Variants in PCDH11X observed in about 807,000 individuals in gnomAD.
PCDH11X encodes protocadherin-11 X-linked.
In PCDH11X, 18 loss-of-function variants were observed where a neutral mutation model predicts 53.3. The observed-to-expected ratio is 0.34, with a 90% confidence interval of 0.23 to 0.50. The LOEUF is 0.50. Among genes scored for constraint, PCDH11X ranks in the 20% least tolerant of loss-of-function variants. The pLI, the probability that PCDH11X is intolerant of heterozygous loss-of-function variation, is 0.98. For missense variants in PCDH11X, 570 were observed against 1,032.4 expected (o/e 0.55, Z 6.14); for synonymous variants, 279 against 393.3 (o/e 0.71, Z 3.44).
rs758535470 is a variant in PCDH11X at position 91,817,345 on chromosome X, G to A, written c.-45+6050G>A. ...TCTTAAAAATATTCACTGCCTAATA[G>A]TTTCAAAATTTAGAATCATAAAATA... On this transcript the variant is annotated intron_variant, in intron 4 of 10. Transcript: ENST00000682573. Among the ~76,000 whole-genome samples, 251 of 101,135 alleles carry A rather than the reference G, an allele frequency of 2.5e-3. 1 individual carries two copies. Among genetic ancestry groups the A allele is most frequent in the African/African-American group, 8.3e-3 (229 of 27,740 alleles). The allele number at this position is 101,135 out of a possible 115,157, so 87.8% of individuals were successfully genotyped here. A position where few individuals can be genotyped will look rare whatever the true frequency, so the allele number is the denominator to read the frequency against.
chrX:91,839,209 A>G (rs1440799019), intron 5 of PCDH11X, among the ~76,000 whole-genome samples: 1 of 110,444 alleles, frequency 9.1e-6, no homozygotes, highest in African/African-American at 3.3e-5. Context: ...TGATAGAGGT[A>G]GGAACCAGAG....
chrX:92,302,118 G>C (rs2148471092), intron 8 of PCDH11X, among the ~76,000 whole-genome samples: 1 of 111,652 alleles, frequency 9.0e-6, no homozygotes, highest in African/African-American at 3.3e-5. Context: ...GGGTAGAAAA[G>C]AAAGCCCTCA....
intron 7 of PCDH11X, among the ~76,000 whole-genome samples, chrX:92,218,308 A>C (rs1277274654): frequency 4.5e-5 from 2 of 44,176 alleles, no homozygotes; most frequent in African/African-American, 1.5e-4. Flanking sequence ...AGCAAGACTA[A>C]TAAAGAAGAA....
At chrX:92,001,529 C>T (rs1454202663) in intron 6 of PCDH11X, among the ~76,000 whole-genome samples, 3 of 102,064 alleles carry the variant, frequency 2.9e-5, no homozygotes, top group South Asian at 4.6e-4. Context: ...AGTGCAATGG[C>T]GTGCTCTCGG....
At chrX:92,270,271 G>C (rs1285707709) in intron 8 of PCDH11X, among the ~76,000 whole-genome samples, 1 of 109,744 alleles carries the variant, frequency 9.1e-6, no homozygotes, top group Admixed American at 9.9e-5. Context: ...CCACCACCAA[G>C]CCCGGCTAGT....
At chrX:91,874,529 G>A (rs1218566186) in intron 5 of PCDH11X, among the ~76,000 whole-genome samples, 1 of 109,124 alleles carries the variant, frequency 9.2e-6, no homozygotes, top group Non-Finnish European at 1.9e-5. Context: ...TTTAAATAAC[G>A]TTGGAACAAA....
intron 9 of PCDH11X, among the ~76,000 whole-genome samples, chrX:92,466,243 G>A (rs1313630084): frequency 9.0e-6 from 1 of 110,750 alleles, no homozygotes; most frequent in Non-Finnish European, 1.9e-5. Context: ...ATAGACTATA[G>A]TATTTCAGAT....
At chrX:92,256,250 C>G (rs940297376) in intron 7 of PCDH11X, among the ~76,000 whole-genome samples, 2 of 111,752 alleles carry the variant, frequency 1.8e-5, no homozygotes, top group Non-Finnish European at 3.8e-5. Flanking sequence ...AAAGGGAACT[C>G]CCTGACCCCT....
intron 7 of PCDH11X, among the ~76,000 whole-genome samples, chrX:92,241,556 T>C (rs1055984352): frequency 8.9e-6 from 1 of 111,898 alleles, no homozygotes; most frequent in African/African-American, 3.2e-5. Flanking sequence ...TTGTCATTTC[T>C]TTAAAGCCCC....
At chrX:92,084,209 T>C (rs2063909664) in intron 6 of PCDH11X, among the ~76,000 whole-genome samples, 1 of 111,495 alleles carries the variant, frequency 9.0e-6, no homozygotes, top group Admixed American at 9.6e-5. Flanking sequence ...CTAGACCATT[T>C]TTGTTAAGCT....
chrX:92,536,413 C>T (rs1035633392), intron 10 of PCDH11X, among the ~76,000 whole-genome samples: 6 of 110,897 alleles, frequency 5.4e-5, no homozygotes, highest in Non-Finnish European at 7.5e-5. Context: ...GCCATCTCAT[C>T]CTTGTTCAGA....
intron 5 of PCDH11X, among the ~76,000 whole-genome samples, chrX:91,872,800 G>C (rs1939397915): frequency 9.1e-6 from 1 of 109,308 alleles, no homozygotes; most frequent in African/African-American, 3.3e-5. Flanking sequence ...TCCTGTCATG[G>C]TCAAACATAT....
At chrX:92,183,834 T>TGTCTATTTAACAGATA (rs1396666810) in intron 6 of PCDH11X, among the ~76,000 whole-genome samples, 11 of 111,862 alleles carry the variant, frequency 9.8e-5, no homozygotes, top group African/African-American at 3.6e-4. Context: ...GGCTTGTGGT[T>TGTCTATTTAACAGATA]TTGCCCATTC....
intron 6 of PCDH11X, among the ~76,000 whole-genome samples, chrX:92,037,702 T>C (rs1420318911): frequency 9.0e-6 from 1 of 110,675 alleles, no homozygotes; most frequent in Non-Finnish European, 1.9e-5. Context: ...GCCTACAGCA[T>C]CTATTGTTTC....
chrX:92,328,377 G>C (rs998776054), intron 8 of PCDH11X, among the ~76,000 whole-genome samples: 3 of 110,076 alleles, frequency 2.7e-5, no homozygotes, highest in Middle Eastern at 4.7e-3. Context: ...ACTATCTAAG[G>C]TTCCACAGTG....
chrX:92,134,539 G>A (rs1424216836), intron 6 of PCDH11X, among the ~76,000 whole-genome samples: 4 of 111,128 alleles, frequency 3.6e-5, no homozygotes, highest in African/African-American at 1.3e-4. Context: ...AAGGGGTCTC[G>A]ATCCAGACCT....
intron 9 of PCDH11X, among the ~76,000 whole-genome samples, chrX:92,436,946 A>G (rs148336380): frequency 0.044 from 4,464 of 101,075 alleles, 181 homozygotes; most frequent in African/African-American, 0.12. Context: ...ACAAACCTGC[A>G]CATGTATTCC....
chrX:91,932,640 GT>G (rs913727148), intron 6 of PCDH11X, among the ~76,000 whole-genome samples: 3 of 99,557 alleles, frequency 3.0e-5, no homozygotes, highest in African/African-American at 1.1e-4. Flanking sequence ...GTATGAAGAA[GT>G]GGGCATGGTG....
intron 8 of PCDH11X, among the ~76,000 whole-genome samples, chrX:92,378,705 C>A (rs1372550127): frequency 2.2e-4 from 25 of 111,436 alleles, no homozygotes; most frequent in Non-Finnish European, 4.1e-4. Context: ...GACAAGGAGG[C>A]ATCTTTTCAC....
Sources: gnomAD v4.1 joint callset for allele counts (sites outside exome capture counted in the v4.1 genomes callset) on GRCh38, gnomAD v4.1.1 for gene constraint, MANE v1.5 for transcripts, NCBI Gene and HGNC (gene_info 2026-07-23, HGNC 2026-07-21) for gene names.